The following POLE variants were observed in gnomAD, a reference collection of about 807,000 sequenced individuals.
POLE encodes the protein DNA polymerase epsilon, catalytic subunit, also known as DNA polymerase epsilon catalytic subunit A.
A neutral mutation model predicts 279.2 loss-of-function variants in POLE; 188 were observed. The observed-to-expected ratio is 0.67, with a 90% CI of 0.60 to 0.76. The LOEUF is 0.76. POLE is among the 30% of genes least tolerant of loss of function. The probability of loss-of-function intolerance (pLI) is 0.00; values close to 1 mark genes in which losing one functional copy is unlikely to be tolerated. For missense variants in POLE, 2,703 were observed against 3,016.7 expected (o/e 0.90, Z 2.44); for synonymous variants, 1,214 against 1,172.5 (o/e 1.04, Z -0.72).
rs1555222702 is a variant in POLE, at chr12:132,642,880, C to A, written c.4668G>T (p.Arg1556=). 1.9e-6 allele frequency: 3 copies of A among 1,613,862 alleles called. No individual in the cohort carries two copies. Among genetic ancestry groups the A allele is most frequent in the East Asian group, 2.2e-5 (1 of 44,872 alleles). The change falls in exon 36 of 49, where the codon CGG becomes CGT. Residue 1556 remains arginine, a synonymous_variant. Transcript: ENST00000320574. ...LPPPKHTFEV[R]AETDLKTICR... ...AGATGGTCTTCAGGTCAGTTTCTGC[C>A]CGAACTTCGAAGGTGTGTTTGGGGG...
At chr12:132,677,296 G>A in intron 8 of POLE, 67 bp downstream of exon 8, 3 of 1,079,748 alleles carry the variant, frequency 2.8e-6, no homozygotes, top group Non-Finnish European at 4.3e-6. Flanking sequence ...TCACTCTCCA[G>A]CACTGAAGAA....
At chr12:132,646,699 G>A (rs948382805) in intron 32 of POLE, among the ~76,000 whole-genome samples, 1 of 151,992 alleles carries the variant, frequency 6.6e-6, no homozygotes, top group Non-Finnish European at 1.5e-5. Context: ...GGGCGTGGTG[G>A]TGCGTGCCTG....
Position 132,643,701 on chromosome 12 carries a change from C to G in POLE, c.4290+136G>C, listed in dbSNP as rs993693835. The G allele has an allele frequency of 2.8e-6, 4 of 1,446,276 alleles. No individual in the cohort carries two copies. In the African/African-American group the frequency reaches 5.6e-5, roughly 20 times the overall value. 89.6% of individuals were successfully genotyped at this position (1,446,276 alleles called of 1,614,324 possible). A position where few individuals can be genotyped will look rare whatever the true frequency, so the allele number is the denominator to read the frequency against. ...AAGGCCACTTTTGGCAGACACACTGCTGACATTCACCTCACCTGTGGGAAC... is the reference window on the plus strand; with the variant it reads ...AAGGCCACTTTTGGCAGACACACTGGTGACATTCACCTCACCTGTGGGAAC... On this transcript the variant is annotated intron_variant, in intron 33 of 48. Coordinates refer to ENST00000320574, the MANE Select transcript of POLE (RefSeq NM_006231.4).
chr12:132,682,452 C>G (rs969441029), intron 1 of POLE, among the ~76,000 whole-genome samples: 29 of 151,762 alleles, frequency 1.9e-4, no homozygotes, highest in African/African-American at 6.5e-4. Context: ...CCACTGCACT[C>G]CAGCCTGGGT....
rs766330461 is a variant in POLE, at chr12:132,675,700, C to A, written c.1106+35G>T. The A allele has an allele frequency of 3.8e-6, 6 of 1,593,454 alleles. No homozygotes were observed. Among genetic ancestry groups the A allele is most frequent in the Non-Finnish European group, 5.2e-6 (6 of 1,161,608 alleles). Reference sequence around the variant, plus strand: ...CACGCAACGCCCTCCCTCTCAAATGCTGCCCAGTTACTCATAGAGAAGACA... The same window carrying A: ...CACGCAACGCCCTCCCTCTCAAATGATGCCCAGTTACTCATAGAGAAGACA... On this transcript the variant is annotated intron_variant, in intron 11 of 48. Transcript: ENST00000320574. The surrounding 1 kb of genome is among the most constrained non-coding windows in gnomAD (Gnocchi z 4.3).
chr12:132,655,030 G>A (rs1286682778), intron 29 of POLE, among the ~76,000 whole-genome samples: 2 of 152,124 alleles, frequency 1.3e-5, no homozygotes, highest in Admixed American at 6.5e-5. Context: ...TCAGCCTTCC[G>A]AGTAGCTAGG....
Position 132,625,020 on chromosome 12 carries a change from G to A in POLE, c.6658-26C>T, listed in dbSNP as rs762116663. 1.8e-5 allele frequency: 29 copies of A among 1,583,390 alleles called. 1 individual carries two copies. The East Asian group carries it at 2.5e-4, about 13-fold the overall frequency. ...CTGAAAGGGAGCAGCCCCGATGGGC[G>A]CCAGCCCTCCCGCGCTGGCCAGACC... On this transcript the variant is annotated intron_variant, in intron 47 of 48. Transcript: ENST00000320574.
At chr12:132,681,891 G>T (rs529111372) in intron 1 of POLE, among the ~76,000 whole-genome samples, 158 of 152,270 alleles carry the variant, frequency 1.0e-3, no homozygotes, top group African/African-American at 3.7e-3. Flanking sequence ...GAATAAAACA[G>T]ACGGATTGTC....
intron 10 of POLE, 84 bp downstream of exon 10, chr12:132,676,010 G>A (rs2043042535): frequency 9.9e-7 from 1 of 1,010,940 alleles, no homozygotes; most frequent in Non-Finnish European, 1.5e-6. Flanking sequence ...ATTCTGATCT[G>A]ACGGAATGCC....
intron 43 of POLE, 139 bp from the exon 44 acceptor site, chr12:132,632,934 T>C: frequency 1.1e-6 from 1 of 908,974 alleles, no homozygotes; most frequent in South Asian, 1.7e-5. Flanking sequence ...CTGCAGCCTT[T>C]AGATGAGCTA....
At position 132,635,875 on chromosome 12, in the gene POLE, C is replaced by T. The variant is rs767496794; in HGVS notation, c.5811+17G>A. 1 of 1,599,406 alleles carries T rather than the reference C, an allele frequency of 6.3e-7. No homozygotes were observed. Among genetic ancestry groups the T allele is most frequent in the South Asian group, 1.1e-5 (1 of 89,730 alleles). ...ACCCCCAAAGCTGGCTCGGGTGCCACACTGCAGCTCGCTTACCAGTCCACA... is the reference window on the plus strand; with the variant it reads ...ACCCCCAAAGCTGGCTCGGGTGCCATACTGCAGCTCGCTTACCAGTCCACA... On this transcript the variant is annotated intron_variant, in intron 42 of 48. Transcript: ENST00000320574.
rs202020608 is a variant in POLE, at chr12:132,664,475, C to A, written c.2469-13G>T. ...GTACCAGCGAGCCCTGAGAGGACAC[C>A]ACAAACTGGTGGGTGGGGCTGGCAT... On this transcript the variant is annotated splice_polypyrimidine_tract_variant and intron_variant, in intron 21 of 48. Transcript: ENST00000320574. The surrounding 1 kb of genome is among the most constrained non-coding windows in gnomAD (Gnocchi z 5.3). 6.2e-7 allele frequency: 1 copy of A among 1,609,650 alleles called. No homozygotes were observed. The highest frequency in any genetic ancestry group is 1.1e-5 in the South Asian group (1 of 90,996).
rs775859562 is a variant in POLE, at chr12:132,635,937, A to G, written c.5766T>C (p.Tyr1922=). The change falls in exon 42 of 49, where the codon TAT becomes TAC. Residue 1922 remains tyrosine, a synonymous_variant. Coordinates refer to ENST00000320574, the MANE Select transcript of POLE (RefSeq NM_006231.4). ...EFLLWMDPSN[Y]GGIKGKVSSR... ...ATGAAACTTTTCCTTTGATTCCGCC[A>G]TAGTTAGATGGATCCATCCAGAGAA... 1.9e-6 allele frequency: 3 copies of G among 1,613,944 alleles called. No individual in the cohort carries two copies. Among genetic ancestry groups the G allele is most frequent in the Non-Finnish European group, 1.7e-6 (2 of 1,179,898 alleles).
rs2042835635 is a variant in POLE at position 132,668,056 on chromosome 12, C to A, written c.2173+300G>T. The stretch of plus-strand genomic sequence containing the variant: ...CAAGATCACACCACTGCATTCCAGC[C>A]TGGGTGACAGAGTGAGACCTCATTT... On this transcript the variant is annotated intron_variant, in intron 19 of 48. Transcript: ENST00000320574. The surrounding 1 kb of genome is among the most constrained non-coding windows in gnomAD (Gnocchi z 4.0). Among the ~76,000 whole-genome samples the A allele has an allele frequency of 3.3e-5, 5 of 150,952 alleles. No individual in the cohort carries two copies. In the Admixed American group the frequency reaches 3.3e-4, roughly 10 times the overall value.
At chr12:132,677,808 C>G (rs2136022440) in intron 6 of POLE, 89 bp from the exon 7 acceptor site, 3 of 1,270,932 alleles carry the variant, frequency 2.4e-6, no homozygotes, top group Non-Finnish European at 2.2e-6. Flanking sequence ...AGAGGTGAGA[C>G]CAGAGTTCAA....
intron 20 of POLE, among the ~76,000 whole-genome samples, chr12:132,667,044 G>T (rs2042812178): frequency 6.6e-6 from 1 of 152,094 alleles, no homozygotes; most frequent in Non-Finnish European, 1.5e-5. Context: ...CAAAACAGAG[G>T]TGTTGCTATG....
At chr12:132,678,805 G>A (rs2043109774) in intron 6 of POLE, among the ~76,000 whole-genome samples, 1 of 152,192 alleles carries the variant, frequency 6.6e-6, no homozygotes, top group African/African-American at 2.4e-5. Context: ...TACTGAACGG[G>A]CTATTCAGGG....
chr12:132,625,383 C>A (rs1310666201), intron 47 of POLE: 2 of 741,724 alleles, frequency 2.7e-6, no homozygotes, highest in Non-Finnish European at 5.0e-6. Context: ...TTCCTCCTTT[C>A]CTTCTCTTCA....
chr12:132,631,041 G>A (rs1194913649), intron 45 of POLE, among the ~76,000 whole-genome samples: 1 of 152,212 alleles, frequency 6.6e-6, no homozygotes, highest in African/African-American at 2.4e-5. Context: ...TCACCCCAAA[G>A]TGAAAGCAAC....
Sources: gnomAD v4.1 joint callset for allele counts (sites outside exome capture counted in the v4.1 genomes callset) on GRCh38, gnomAD v4.1.1 for gene constraint, Gnocchi (gnomAD v3.1) non-coding constraint, MANE v1.5 for transcripts, NCBI Gene and HGNC (gene_info 2026-07-23, HGNC 2026-07-21) for gene names.